Variants in SHTN1 observed in about 807,000 individuals in gnomAD.
SHTN1 encodes the protein shootin 1, also known as shootin-1.
A neutral mutation model predicts 83.1 loss-of-function variants in SHTN1; 42 were observed. The observed-to-expected ratio is 0.51, with a 90% CI of 0.39 to 0.65. The LOEUF (loss-of-function observed/expected upper bound fraction) is 0.65, where lower values mean the gene tolerates loss of function less well. SHTN1 is among the 30% of genes least tolerant of loss of function. The probability of loss-of-function intolerance (pLI) is 0.00; values close to 1 mark genes in which losing one functional copy is unlikely to be tolerated. For synonymous variants in SHTN1, 224 were observed against 247.7 expected, an observed-to-expected ratio of 0.90 and a Z score of 0.90; for missense variants, 622 against 737.8, an observed-to-expected ratio of 0.84 and a Z score of 1.82.
chr10:116,986,522 C>T (rs1851222706), intron 1 of SHTN1, among the ~76,000 whole-genome samples: 1 of 151,904 alleles, frequency 6.6e-6, no homozygotes, highest in Non-Finnish European at 1.5e-5. Flanking sequence ...TGAGTTTCAC[C>T]TCCAGGATCA....
intron 15 of SHTN1, among the ~76,000 whole-genome samples, chr10:116,902,468 T>C (rs1256495121): frequency 6.6e-6 from 1 of 152,208 alleles, no homozygotes; most frequent in East Asian, 1.9e-4. Context: ...GTGGATTTGT[T>C]TCCTCTTAAA....
intron 16 of SHTN1, among the ~76,000 whole-genome samples, chr10:116,898,886 T>A (rs978294483): frequency 2.6e-5 from 4 of 152,196 alleles, no homozygotes; most frequent in Admixed American, 1.3e-4. Context: ...AATCAGTATA[T>A]CTTTGACTTT....
chr10:116,931,512 G>C (rs1023558883), intron 9 of SHTN1, among the ~76,000 whole-genome samples: 2 of 152,168 alleles, frequency 1.3e-5, no homozygotes, highest in African/African-American at 4.8e-5. Flanking sequence ...GCCTCCCAAG[G>C]TGCTGAGATT....
intron 16 of SHTN1, among the ~76,000 whole-genome samples, chr10:116,889,769 C>A (rs906400674): frequency 2.6e-5 from 4 of 152,194 alleles, no homozygotes; most frequent in Non-Finnish European, 5.9e-5. Flanking sequence ...TGATTTCATT[C>A]TTTCCGAATC....
In SHTN1 at chr10:117,051,131, T is replaced by C. The variant is rs183353821; in HGVS notation, c.-188-2621A>G. ...TATAAGGGAATACAATAAACTACTA[T>C]AAACCAAAATATTAGACAGCCAGGA... On this transcript the variant is annotated intron_variant, in intron 1 of 17. Transcript: ENST00000392901. Among the ~76,000 whole-genome samples, 18 of 152,166 alleles carry C rather than the reference T, an allele frequency of 1.2e-4. No individual in the cohort carries two copies. The East Asian group carries it at 3.3e-3, about 28-fold the overall frequency.
At chr10:116,917,098 A>G (rs1038939934) in intron 12 of SHTN1, among the ~76,000 whole-genome samples, 3 of 152,148 alleles carry the variant, frequency 2.0e-5, no homozygotes, top group African/African-American at 7.2e-5. Context: ...AACATCAACA[A>G]AGGGACAGAT....
intron 1 of SHTN1, among the ~76,000 whole-genome samples, chr10:117,068,029 G>C (rs1276752558): frequency 6.6e-6 from 1 of 152,138 alleles, no homozygotes; most frequent in Non-Finnish European, 1.5e-5. Context: ...TATGAGAGGT[G>C]AGATAGATAC....
At chr10:117,033,258 TA>T (rs1191979076) in intron 2 of SHTN1, among the ~76,000 whole-genome samples, 1 of 151,876 alleles carries the variant, frequency 6.6e-6, no homozygotes, top group African/African-American at 2.4e-5. Context: ...AGTTTTTTTT[TA>T]AACTTAAACC....
intron 1 of SHTN1, among the ~76,000 whole-genome samples, chr10:117,102,841 G>C (rs976335441): frequency 5.3e-5 from 8 of 152,102 alleles, no homozygotes; most frequent in African/African-American, 1.9e-4. Flanking sequence ...AATCCCTTAA[G>C]CATCAATGGG....
chr10:117,026,095 A>G (rs982668005), intron 2 of SHTN1, among the ~76,000 whole-genome samples: 2 of 152,220 alleles, frequency 1.3e-5, no homozygotes, highest in African/African-American at 4.8e-5. Context: ...ACAGGGAGGT[A>G]GAGCACCAAG....
chr10:117,023,637 C>A (rs1852292438), intron 2 of SHTN1: 1 of 152,626 alleles, frequency 6.6e-6, no homozygotes, highest in Non-Finnish European at 1.5e-5. Context: ...TCTTCCTATG[C>A]CACTGTAAAA....
chr10:116,895,947 C>A (rs1847501726), intron 16 of SHTN1, among the ~76,000 whole-genome samples: 1 of 152,108 alleles, frequency 6.6e-6, no homozygotes, highest in South Asian at 2.1e-4. Context: ...ACAGTAACAA[C>A]AACACAGAAG....
chr10:116,935,128 C>T (rs1440413245), intron 9 of SHTN1, among the ~76,000 whole-genome samples: 1 of 152,200 alleles, frequency 6.6e-6, no homozygotes, highest in Non-Finnish European at 1.5e-5. Flanking sequence ...AATTTGACTT[C>T]CTCTCTTCCT....
At position 116,940,455 on chromosome 10, in the gene SHTN1, A is replaced by C; in HGVS notation, c.858+11T>G. 6.2e-7 allele frequency: 1 copy of C among 1,613,268 alleles called. No homozygotes were observed. Among genetic ancestry groups the C allele is most frequent in the Non-Finnish European group, 8.5e-7 (1 of 1,179,522 alleles). On this transcript the variant is annotated intron_variant, in intron 9 of 16. Coordinates refer to ENST00000355371, the MANE Select transcript of SHTN1 (RefSeq NM_001127211.3). ...TGTGTGTACCTAAGATTCCAGAAGA[A>C]AATGGGTTACCTTTTGTTGATGCTG...
At chr10:116,896,465 G>A (rs943841348) in intron 16 of SHTN1, among the ~76,000 whole-genome samples, 3 of 152,066 alleles carry the variant, frequency 2.0e-5, no homozygotes, top group Non-Finnish European at 2.9e-5. Flanking sequence ...TGACTGTACT[G>A]CACGACACTC....
At chr10:116,963,035 G>GTTTTTTTTTTTTTTTTTTTTTTTTTTT (rs71013628) in intron 3 of SHTN1, among the ~76,000 whole-genome samples, 1 of 45,260 alleles carries the variant, frequency 2.2e-5, no homozygotes, top group Admixed American at 3.5e-4. Flanking sequence ...AATAATAAAA[G>GTTTTTTTTTTTTTTTTTTTTTTTTTTT]TTTTTTTTTT....
chr10:117,056,831 A>G (rs1026580994), intron 1 of SHTN1, among the ~76,000 whole-genome samples: 2 of 152,146 alleles, frequency 1.3e-5, no homozygotes, highest in African/African-American at 4.8e-5. Flanking sequence ...AACAAACAAA[A>G]CAAAATAAAA....
At position 116,951,948 on chromosome 10, in the gene SHTN1, C is replaced by T. The variant is rs757664221; in HGVS notation, c.495G>A (p.Leu165=). The change falls in exon 6 of 17, where the codon CTG becomes CTA. Residue 165 remains leucine, a synonymous_variant. Transcript: ENST00000355371. ...CTACGAGTTTGCTCTTGAGATTTTCCAGCTCAATGGCTAAAATCTTCTTTT... is the reference window on the plus strand; with the variant it reads ...CTACGAGTTTGCTCTTGAGATTTTCTAGCTCAATGGCTAAAATCTTCTTTT... ...QEEKKILAIE[L]ENLKSKLVEV... The T allele has an allele frequency of 6.3e-7, 1 of 1,598,564 alleles. No homozygotes were observed. The highest frequency in any genetic ancestry group is 1.1e-5 in the South Asian group (1 of 87,972).
intron 12 of SHTN1, 48 bp downstream of exon 12, chr10:116,921,386 C>T (rs753739475): frequency 1.8e-5 from 25 of 1,392,350 alleles, no homozygotes; most frequent in Non-Finnish European, 2.2e-5. Flanking sequence ...TGAATTGCCC[C>T]AAAATGGTAC....
Sources: allele counts gnomAD v4.1 joint callset (sites outside exome capture counted in the v4.1 genomes callset), GRCh38; gene constraint gnomAD v4.1.1; transcripts MANE v1.5; gene names NCBI Gene and HGNC (gene_info 2026-07-23, HGNC 2026-07-21).